ANP32B: variants seen among roughly 807,000 people sequenced by gnomAD.
The protein encoded by ANP32B is acidic leucine-rich nuclear phosphoprotein 32 family member B.
Under a neutral mutation model 32.2 loss-of-function variants are expected in ANP32B, and 6 were observed. The observed-to-expected ratio is 0.19, with a 90% confidence interval of 0.10 to 0.37. ANP32B has a LOEUF of 0.37. Ranked by LOEUF, ANP32B falls within the 10% of genes least tolerant of loss-of-function variation. The probability of loss-of-function intolerance (pLI) is 1.00; values close to 1 mark genes in which losing one functional copy is unlikely to be tolerated. For missense variants in ANP32B, 204 were observed against 289.2 expected, an observed-to-expected ratio of 0.71 and a Z score of 2.14; for synonymous variants, 98 against 105.8, an observed-to-expected ratio of 0.93 and a Z score of 0.45.
chr9:98,005,285 A>G (rs1264564502), intron 4 of ANP32B, 132 bp downstream of exon 4: 3 of 764,924 alleles, frequency 3.9e-6, no homozygotes, highest in African/African-American at 3.6e-5. Context: ...GGCAGGGGGC[A>G]TTGCTTGAGC....
In ANP32B at chr9:97,985,829, T is replaced by C. The variant is rs150909243; in HGVS notation, c.54+2220T>C. 1.5e-3 allele frequency among the ~76,000 whole-genome samples: 225 copies of C among 152,150 alleles called. 1 individual carries two copies. Among genetic ancestry groups the C allele is most frequent in the African/African-American group, 5.4e-3 (223 of 41,426 alleles). The stretch of plus-strand genomic sequence containing the variant: ...GTGTTCATTTTTCTTTTTTCTGTTT[T>C]TCTTTTTTTTTTGAGACTGAGTCTC... On this transcript the variant is annotated intron_variant, in intron 1 of 6. Transcript: ENST00000339399.
At chr9:97,996,574 T>C (rs937672723) in intron 2 of ANP32B, among the ~76,000 whole-genome samples, 1 of 152,180 alleles carries the variant, frequency 6.6e-6, no homozygotes, top group Non-Finnish European at 1.5e-5. Flanking sequence ...TTCTTCCTAT[T>C]CCAGAACACA....
At chr9:97,987,854 T>C (rs960710589) in intron 1 of ANP32B, among the ~76,000 whole-genome samples, 53 of 152,330 alleles carry the variant, frequency 3.5e-4, no homozygotes, top group Non-Finnish European at 3.7e-4. Flanking sequence ...TTTTGTTGTG[T>C]CTACTGTGAT....
chr9:97,994,496 A>G (rs1470811400), intron 1 of ANP32B, 135 bp from the exon 2 acceptor site: 15 of 738,080 alleles, frequency 2.0e-5, no homozygotes, highest in Non-Finnish European at 2.8e-5. Context: ...TTTTATAACT[A>G]TGATCTAGGT....
rs958272587 is a variant in ANP32B, at chr9:97,983,353, T to G, written c.-203T>G. 7.7e-6 allele frequency: 4 copies of G among 521,156 alleles called. No individual in the cohort carries two copies. The highest frequency in any genetic ancestry group is 1.0e-5 in the Non-Finnish European group (3 of 290,146). The allele number at this position is 521,156 out of a possible 1,614,324, so 32.3% of individuals were successfully genotyped here. ...GCGCTCCAGCCCCCTTTTCCCTCCA[T>G]GGTTTCTCTCCGCTCCCGTGAGTAA... On this transcript the variant is annotated 5_prime_UTR_variant, in exon 1 of 7. The change abolishes an upstream ATG in the 5' untranslated region. Transcript: ENST00000339399.
intron 1 of ANP32B, among the ~76,000 whole-genome samples, chr9:97,984,182 A>G (rs994317379): frequency 1.3e-5 from 2 of 149,890 alleles, no homozygotes; most frequent in Non-Finnish European, 3.0e-5. Context: ...GAAGGGAGCG[A>G]GAAGCCCCCT....
intron 1 of ANP32B, among the ~76,000 whole-genome samples, chr9:97,985,022 C>A (rs1476107453): frequency 1.3e-5 from 2 of 150,790 alleles, no homozygotes; most frequent in African/African-American, 4.9e-5. Flanking sequence ...GTGGGAATTG[C>A]CCCATTCGTC....
At chr9:97,986,562 T>A (rs1407143156) in intron 1 of ANP32B, 3 of 152,268 alleles carry the variant, frequency 2.0e-5, no homozygotes, top group African/African-American at 7.2e-5. Context: ...TTAAAGTGTT[T>A]TCGCACAGAG....
At chr9:97,996,791 G>T (rs1827913654) in intron 2 of ANP32B, among the ~76,000 whole-genome samples, 1 of 151,694 alleles carries the variant, frequency 6.6e-6, no homozygotes, top group Non-Finnish European at 1.5e-5. Context: ...TAGAGATGGG[G>T]GTTTCACCAT....
intron 6 of ANP32B, among the ~76,000 whole-genome samples, chr9:98,013,566 A>T (rs1420072792): frequency 6.6e-6 from 1 of 152,204 alleles, no homozygotes; most frequent in African/African-American, 2.4e-5. Flanking sequence ...AAAGTATGCC[A>T]GCCTGGACAA....
chr9:97,998,634 T>C lies in ANP32B; in HGVS notation c.283T>C (p.Leu95=), dbSNP rs747577407. ...ACTTCCAAATCTCACACATCTAAAC[T>C]TAAGTGGAAATAAACTGAAAGATAT... ...EKLPNLTHLN[L]SGNKLKDIST... The change falls in exon 3 of 7, where the codon TTA becomes CTA. Residue 95 remains leucine, a synonymous_variant. Transcript: ENST00000339399. 10 of 1,611,592 alleles carry C rather than the reference T, an allele frequency of 6.2e-6. No individual in the cohort carries two copies. The South Asian group carries it at 9.9e-5, about 16-fold the overall frequency.
intron 1 of ANP32B, chr9:97,987,672 T>C (rs768404686): frequency 1.3e-5 from 2 of 152,212 alleles, no homozygotes; most frequent in Non-Finnish European, 2.9e-5. Flanking sequence ...TTCCTTACTG[T>C]GGCTTGCAGT....
chr9:97,983,732 C>T lies in ANP32B; in HGVS notation c.54+123C>T, dbSNP rs537179212. On this transcript the variant is annotated intron_variant, in intron 1 of 6. Transcript: ENST00000339399. ...CGGGGAAGAGCGCAGCTCGTGGGCT[C>T]GGACGGGGAAGGCGGGCGGGCGCGG... 2.2e-5 allele frequency: 16 copies of T among 713,506 alleles called. No individual in the cohort carries two copies. The East Asian group carries it at 3.1e-4, about 14-fold the overall frequency. The allele number at this position is 713,506 out of a possible 1,614,324, so 44.2% of individuals were successfully genotyped here.
intron 2 of ANP32B, among the ~76,000 whole-genome samples, chr9:97,998,131 T>C (rs1343947065): frequency 6.6e-6 from 1 of 151,960 alleles, no homozygotes; most frequent in Non-Finnish European, 1.5e-5. Flanking sequence ...GTCAGTATTG[T>C]CCAGAAATTA....
intron 3 of ANP32B, among the ~76,000 whole-genome samples, chr9:98,000,921 C>CAA (rs543121018): frequency 5.3e-5 from 5 of 93,950 alleles, no homozygotes; most frequent in Admixed American, 1.1e-4. Flanking sequence ...GACTCCATCT[C>CAA]AAAAAAAAAA....
intron 5 of ANP32B, among the ~76,000 whole-genome samples, chr9:98,012,175 T>G (rs2131592945): frequency 6.6e-6 from 1 of 152,320 alleles, no homozygotes; most frequent in Non-Finnish European, 1.5e-5. Context: ...AGTTATATAC[T>G]AATTAAACAT....
chr9:98,004,759 G>A (rs1393063612), intron 3 of ANP32B, among the ~76,000 whole-genome samples: 2 of 152,112 alleles, frequency 1.3e-5, no homozygotes, highest in Non-Finnish European at 2.9e-5. Context: ...ATAGTTCTCT[G>A]GGAGAGTAGA....
Position 98,012,490 on chromosome 9 carries a change from A to C in ANP32B, c.688+18A>C. On this transcript the variant is annotated intron_variant, in intron 6 of 6. Transcript: ENST00000339399. The stretch of plus-strand genomic sequence containing the variant: ...GGATGAAGGTGGGCCTAATGCATGC[A>C]TTTTGATCATTCTCAGTTAAAAATT... 1.2e-6 allele frequency: 2 copies of C among 1,608,812 alleles called. No homozygotes were observed. The highest frequency in any genetic ancestry group is 1.7e-6 in the Non-Finnish European group (2 of 1,178,930).
chr9:98,001,080 C>T (rs1197267299), intron 3 of ANP32B, among the ~76,000 whole-genome samples: 1 of 152,076 alleles, frequency 6.6e-6, no homozygotes, highest in Non-Finnish European at 1.5e-5. Flanking sequence ...CTTTCCCGTT[C>T]ACATGGGCTA....
Sources: allele counts gnomAD v4.1 joint callset (sites outside exome capture counted in the v4.1 genomes callset), GRCh38; gene constraint gnomAD v4.1.1; transcripts MANE v1.5; gene names NCBI Gene and HGNC (gene_info 2026-07-23, HGNC 2026-07-21).